CHD2: variants seen among roughly 807,000 people sequenced by gnomAD.
CHD2 encodes the protein ATP-dependent chromatin remodeler CHD2.
Under a neutral mutation model 243.9 loss-of-function variants are expected in CHD2, and 28 were observed. That is an observed-to-expected ratio of 0.11 (90% CI 0.09 to 0.16). CHD2 has a LOEUF of 0.16. Ranked by LOEUF, CHD2 falls within the 10% of genes least tolerant of loss-of-function variation. The pLI, the probability that CHD2 is intolerant of heterozygous loss-of-function variation, is 1.00. For missense variants in CHD2, 1,386 were observed against 2,209.8 expected (o/e 0.63, Z 7.47); for synonymous variants, 775 against 779.0 (o/e 0.99, Z 0.09).
rs2054587008 is a variant in CHD2 at position 93,026,407 on chromosome 15, T to A, written c.*1702T>A. 1 of 152,422 alleles carries A rather than the reference T, an allele frequency of 6.6e-6. No homozygotes were observed. Among genetic ancestry groups the A allele is most frequent in the Non-Finnish European group, 1.5e-5 (1 of 68,164 alleles). The allele number at this position is 152,422 out of a possible 1,614,324, so 9.4% of individuals were successfully genotyped here. A position where few individuals can be genotyped will look rare whatever the true frequency, so the allele number is the denominator to read the frequency against. On this transcript the variant is annotated 3_prime_UTR_variant, in exon 39 of 39. Coordinates refer to ENST00000394196, the MANE Select transcript of CHD2 (RefSeq NM_001271.4). ...AGCAGATGTGGCTGTGGTGTGACCC[T>A]TGCTCCCTGCTACACAGAGCATCGC...
chr15:92,996,193 T>TC (rs1935601192), intron 28 of CHD2, among the ~76,000 whole-genome samples: 1 of 146,330 alleles, frequency 6.8e-6, no homozygotes, highest in Admixed American at 6.9e-5. Flanking sequence ...GGAGTCTCGC[T>TC]CCATCTCCAA....
chr15:92,918,836 T>TACACAC (rs947742303), intron 2 of CHD2, among the ~76,000 whole-genome samples: 1 of 151,450 alleles, frequency 6.6e-6, no homozygotes, highest in East Asian at 1.9e-4. Flanking sequence ...TATATATACA[T>TACACAC]ACACACATAT....
At chr15:92,938,065 A>C (rs1057216846) in intron 6 of CHD2, among the ~76,000 whole-genome samples, 21 of 152,218 alleles carry the variant, frequency 1.4e-4, no homozygotes, top group African/African-American at 4.3e-4. Flanking sequence ...TGGCAGCCTA[A>C]GATAGTGATG....
intron 7 of CHD2, among the ~76,000 whole-genome samples, chr15:92,940,946 TA>T (rs1202968233): frequency 2.3e-5 from 3 of 129,508 alleles, no homozygotes; most frequent in African/African-American, 5.8e-5. Context: ...AAAATATATA[TA>T]AATATAAATA....
At chr15:92,989,205 T>C (rs2054085792) in intron 26 of CHD2, among the ~76,000 whole-genome samples, 3 of 152,006 alleles carry the variant, frequency 2.0e-5, no homozygotes, top group African/African-American at 7.3e-5. Flanking sequence ...CTAATTTTTA[T>C]ATTTTTAGTA....
intron 18 of CHD2, 127 bp downstream of exon 18, chr15:92,972,054 G>A: frequency 5.4e-6 from 6 of 1,102,894 alleles, no homozygotes; most frequent in Non-Finnish European, 6.4e-6. Flanking sequence ...TTAAAAATGG[G>A]AGAGAAAAGG....
intron 17 of CHD2, among the ~76,000 whole-genome samples, chr15:92,967,715 G>C (rs1038273547): frequency 2.6e-5 from 4 of 151,754 alleles, no homozygotes; most frequent in Non-Finnish European, 5.9e-5. Flanking sequence ...TTTTAGTAGA[G>C]ATGGGATTTT....
intron 16 of CHD2, among the ~76,000 whole-genome samples, chr15:92,963,384 A>C (rs1458816868): frequency 1.3e-5 from 2 of 152,154 alleles, no homozygotes; most frequent in East Asian, 1.9e-4. Flanking sequence ...AGTCTTCTTC[A>C]GGTTAGTACT....
chr15:92,985,534 A>G lies in CHD2; in HGVS notation c.3274A>G (p.Lys1092Glu). The G allele has an allele frequency of 6.2e-7, 1 of 1,614,064 alleles. No individual in the cohort carries two copies. The highest frequency in any genetic ancestry group is 8.5e-7 in the Non-Finnish European group (1 of 1,179,966). The part of the protein sequence containing the change: ...TNDSDSDTES[K>E]RQAQRSSASE... ...TGACAGTGACTCTGACACTGAGTCT[A>G]AGAGGCAGGCCCAGAGATCCTCTGC... is the stretch of plus-strand genomic sequence containing the variant. The change falls in exon 26 of 39, where the codon AAG becomes GAG. Residue 1092 changes from lysine (K) to glutamate (E), a missense_variant. Lys to Glu is a moderately conservative substitution (Grantham distance 56). Transcript: ENST00000394196.
Position 93,024,728 on chromosome 15 carries a change from G to A in CHD2, c.*23G>A, listed in dbSNP as rs1185014384. On this transcript the variant is annotated 3_prime_UTR_variant, in exon 39 of 39. Coordinates refer to ENST00000394196, the MANE Select transcript of CHD2 (RefSeq NM_001271.4). ...TAAAGGACAGCTCGTAAAGGAGAGA[G>A]TAAGAGTCACCAAACACGTGGATAT... 1.3e-6 allele frequency: 2 copies of A among 1,569,984 alleles called. No individual in the cohort carries two copies. Among genetic ancestry groups the A allele is most frequent in the Non-Finnish European group, 1.7e-6 (2 of 1,155,410 alleles).
At chr15:92,960,873 C>G (rs2053678941) in intron 16 of CHD2, among the ~76,000 whole-genome samples, 1 of 151,726 alleles carries the variant, frequency 6.6e-6, no homozygotes, top group African/African-American at 2.4e-5. Flanking sequence ...CACCACCATG[C>G]CCGGCTAATT....
chr15:92,953,428 A>G lies in CHD2; in HGVS notation c.1574A>G (p.Tyr525Cys), dbSNP rs1008984460. The G allele has an allele frequency of 2.5e-6, 4 of 1,613,972 alleles. No homozygotes were observed. Among genetic ancestry groups the G allele is most frequent in the Non-Finnish European group, 3.4e-6 (4 of 1,179,980 alleles). Residue 525 changes from tyrosine to cysteine, a missense_variant, in exon 14 of 39, where the codon TAC (tyrosine) becomes TGC (cysteine). Coordinates refer to ENST00000394196, the MANE Select transcript of CHD2 (RefSeq NM_001271.4). ...ATCCAGACCATATCATTCCTCTCCT[A>G]CCTGTTCCACCAACACCAGCTGTAT... is the stretch of plus-strand genomic sequence containing the variant. Reference protein sequence around the residue: ...KTIQTISFLSYLFHQHQLYGP... With the variant: ...KTIQTISFLSCLFHQHQLYGP...
chr15:92,955,407 TG>T lies in CHD2; in HGVS notation c.1720-15del. On this transcript the variant is annotated splice_polypyrimidine_tract_variant and intron_variant, in intron 14 of 38. Transcript: ENST00000394196. ...AGAAGTAGAAATTATGTCTTAATTA[TG>T]TTTTTTTCTTATAGATACGGGAATA... 6.7e-7 allele frequency: 1 copy of T among 1,503,688 alleles called. No homozygotes were observed. The highest frequency in any genetic ancestry group is 9.0e-7 in the Non-Finnish European group (1 of 1,114,910). 93.1% of individuals were successfully genotyped at this position (1,503,688 alleles called of 1,614,324 possible).
intron 34 of CHD2, among the ~76,000 whole-genome samples, chr15:93,005,683 T>G (rs375860619): frequency 6.6e-6 from 1 of 152,220 alleles, no homozygotes; most frequent in South Asian, 2.1e-4. Flanking sequence ...TATTGTTTTC[T>G]TTGCACTTAA....
At chr15:92,956,436 G>A (rs767396421) in intron 15 of CHD2, 23 bp from the exon 16 acceptor site, 8 of 1,596,660 alleles carry the variant, frequency 5.0e-6, no homozygotes, top group African/African-American at 1.4e-5. Flanking sequence ...CTGGTGGCTC[G>A]TTCTGTTTTG....
chr15:92,927,707 CAG>C (rs1035558385), intron 4 of CHD2, among the ~76,000 whole-genome samples: 9 of 152,226 alleles, frequency 5.9e-5, no homozygotes, highest in Middle Eastern at 6.8e-3. Context: ...GGTAAACAAA[CAG>C]AGCAATAGAA....
At chr15:92,970,643 G>A (rs921366373) in intron 17 of CHD2, among the ~76,000 whole-genome samples, 11 of 151,936 alleles carry the variant, frequency 7.2e-5, no homozygotes, top group Admixed American at 3.9e-4. Flanking sequence ...ACTTTTCTCT[G>A]CCTTCCTTTT....
intron 5 of CHD2, among the ~76,000 whole-genome samples, chr15:92,930,017 C>G (rs200083487): frequency 5.5e-5 from 5 of 91,420 alleles, no homozygotes; most frequent in African/African-American, 1.6e-4. Flanking sequence ...CAGAGCCTTA[C>G]AGAAAAGTAC....
intron 37 of CHD2, among the ~76,000 whole-genome samples, chr15:93,019,274 G>A (rs372722439): frequency 1.3e-5 from 2 of 152,270 alleles, no homozygotes; most frequent in South Asian, 2.1e-4. Flanking sequence ...ATGTGTAACC[G>A]GAGGATATTA....
Sources: allele counts gnomAD v4.1 joint callset (sites outside exome capture counted in the v4.1 genomes callset), GRCh38; gene constraint gnomAD v4.1.1; transcripts MANE v1.5; gene names NCBI Gene and HGNC (gene_info 2026-07-23, HGNC 2026-07-21).